The following RYR1 variants were observed in gnomAD, a reference collection of about 807,000 sequenced individuals.
The protein encoded by RYR1 is central core disease of muscle.
In RYR1, 342 loss-of-function variants were observed where a neutral mutation model predicts 583.5. That is an observed-to-expected ratio of 0.59 (90% CI 0.54 to 0.64). The LOEUF is 0.64. Among genes scored for constraint, RYR1 ranks in the 30% least tolerant of loss-of-function variants. RYR1 has a pLI of 0.00. For synonymous variants in RYR1, 2,791 were observed against 2,822.5 expected (o/e 0.99, Z 0.35); for missense variants, 6,032 against 6,917.2 (o/e 0.87, Z 4.54).
At position 38,543,667 on chromosome 19, in the gene RYR1, C is replaced by T. The variant is rs563161084; in HGVS notation, c.11907+7C>T. The T allele has an allele frequency of 1.9e-6, 3 of 1,613,550 alleles. No individual in the cohort carries two copies. The highest frequency in any genetic ancestry group is 2.2e-5 in the South Asian group (2 of 91,090). ...CCTCACTGAGTACATCCAGGTAGGG[C>T]GCTCCCCCTGGGGCGGGAGTGGGAA... On this transcript the variant is annotated splice_region_variant and intron_variant, in intron 86 of 105. Transcript: ENST00000359596. The surrounding 1 kb of genome is among the most constrained non-coding windows in gnomAD (Gnocchi z 4.4).
chr19:38,456,660 G>C (rs1462554949), intron 16 of RYR1, among the ~76,000 whole-genome samples: 1 of 151,992 alleles, frequency 6.6e-6, no homozygotes, highest in Non-Finnish European at 1.5e-5. Context: ...ACACTCTGTA[G>C]TTTGCCATAG....
intron 37 of RYR1, among the ~76,000 whole-genome samples, chr19:38,491,753 T>G (rs1324143293): frequency 6.6e-6 from 1 of 152,164 alleles, no homozygotes; most frequent in Admixed American, 6.6e-5. Flanking sequence ...CTTTTACTTT[T>G]CTGTTCTTCA....
In RYR1 at chr19:38,490,289, C is replaced by T; in HGVS notation, c.6015+13C>T. ...ACCCCAGGAACAGGTCATCTGACCC[C>T]TGACGCTGGCCACTTTTACTGTCTA... On this transcript the variant is annotated intron_variant, in intron 36 of 105. Transcript: ENST00000359596. 6.2e-7 allele frequency: 1 copy of T among 1,611,174 alleles called. No individual in the cohort carries two copies. Among genetic ancestry groups the T allele is most frequent in the East Asian group, 2.2e-5 (1 of 44,658 alleles).
intron 13 of RYR1, 21 bp from the exon 14 acceptor site, chr19:38,455,214 C>G (rs753757530): frequency 1.2e-6 from 2 of 1,613,850 alleles, no homozygotes; most frequent in South Asian, 1.1e-5. Flanking sequence ...ATTGTGATGC[C>G]TCTTATTTTC....
chr19:38,539,258 T>C (rs1282507735), intron 84 of RYR1, among the ~76,000 whole-genome samples: 1 of 144,230 alleles, frequency 6.9e-6, no homozygotes, highest in African/African-American at 2.6e-5. Flanking sequence ...TTTTTTTTTT[T>C]AGACAGAGTC....
intron 31 of RYR1, among the ~76,000 whole-genome samples, chr19:38,479,117 G>A (rs112290776): frequency 6.6e-6 from 1 of 152,222 alleles, no homozygotes; most frequent in East Asian, 1.9e-4. Context: ...TCTTGAGCTG[G>A]GTGACACCAG....
chr19:38,572,133 G>A lies in RYR1; in HGVS notation c.13861G>A (p.Glu4621Lys). 1.9e-6 allele frequency: 3 copies of A among 1,614,192 alleles called. No homozygotes were observed. The highest frequency in any genetic ancestry group is 1.1e-5 in the South Asian group (1 of 91,088). Residue 4621 changes from glutamate to lysine, a missense_variant, in exon 95 of 106, where the codon GAG becomes AAG. Transcript: ENST00000359596. ...GGGCTTGGGGGCCGGAGAGGAGGCA[G>A]AGGGCGATGAGGATGAGAACATGGT... is the stretch of plus-strand genomic sequence containing the variant. ...GWGLGAGEEA[E>K]GDEDENMVYY...
intron 64 of RYR1, 133 bp downstream of exon 64, chr19:38,515,240 TCCC>T: frequency 1.3e-6 from 1 of 762,088 alleles, no homozygotes; most frequent in Admixed American, 2.2e-5. Flanking sequence ...CAGCCGCGGT[TCCC>T]CACGGCGGCC....
chr19:38,515,652 A>G (rs1212643842), intron 64 of RYR1, among the ~76,000 whole-genome samples: 1 of 152,138 alleles, frequency 6.6e-6, no homozygotes, highest in Non-Finnish European at 1.5e-5. Flanking sequence ...TTTTTTAATT[A>G]GCCTGGTGTG....
rs1973131133 is a variant in RYR1 at position 38,561,371 on chromosome 19, G to A, written c.12541G>A (p.Glu4181Lys). ...EYFRPYLGRI[E>K]IMGASRRIER... ...CTTCCGCCCCTACCTGGGCCGCATC[G>A]AGATCATGGGCGCGTCACGCCGCAT... The change falls in exon 90 of 106, where the codon GAG (glutamate) becomes AAG (lysine). Residue 4181 changes from glutamate (E) to lysine (K), a missense_variant. Physicochemically the swap from Glu to Lys is moderately conservative, Grantham distance 56 (BLOSUM62 1). Coordinates refer to ENST00000359596, the MANE Select transcript of RYR1 (RefSeq NM_000540.3). This position sits in a 1 kb window ranked among gnomAD's most constrained non-coding sequence, Gnocchi z 4.8. The A allele has an allele frequency of 6.2e-7, 1 of 1,613,686 alleles. No homozygotes were observed. Among genetic ancestry groups the A allele is most frequent in the East Asian group, 2.2e-5 (1 of 44,886 alleles).
At chr19:38,438,433 G>T (rs1972520425) in intron 1 of RYR1, among the ~76,000 whole-genome samples, 2 of 151,062 alleles carry the variant, frequency 1.3e-5, no homozygotes, top group Admixed American at 1.3e-4. Context: ...TGTCTCAGGG[G>T]CCCCAGGGAG....
At chr19:38,503,442 T>A (rs1970294010) in intron 49 of RYR1, among the ~76,000 whole-genome samples, 1 of 152,220 alleles carries the variant, frequency 6.6e-6, no homozygotes, top group Non-Finnish European at 1.5e-5. Flanking sequence ...ATATTTTGAC[T>A]ATTTTGCATA....
At chr19:38,504,638 G>T in intron 50 of RYR1, 110 bp from the exon 51 acceptor site, 1 of 1,443,404 alleles carries the variant, frequency 6.9e-7, no homozygotes, top group Non-Finnish European at 9.6e-7. Context: ...CATAATTCAG[G>T]TTTGGGGTTC....
chr19:38,494,293 G>T (rs996199486), intron 38 of RYR1, 59 bp from the exon 39 acceptor site: 8 of 1,605,864 alleles, frequency 5.0e-6, no homozygotes, highest in Admixed American at 3.3e-5. Flanking sequence ...CTGGTCCAAG[G>T]CCCCATGTGC....
chr19:38,560,605 T>C (rs971600196), intron 89 of RYR1, among the ~76,000 whole-genome samples: 5 of 150,636 alleles, frequency 3.3e-5, no homozygotes, highest in Non-Finnish European at 7.4e-5. Context: ...GGCGGGCACC[T>C]GTAATCCCAG....
chr19:38,583,770 G>A (rs1974322837), intron 101 of RYR1, among the ~76,000 whole-genome samples: 2 of 151,838 alleles, frequency 1.3e-5, no homozygotes, highest in African/African-American at 4.8e-5. Flanking sequence ...CCCTACCCCA[G>A]GCCTGACATA....
chr19:38,580,517 C>G lies in RYR1; in HGVS notation c.14646+13C>G. The G allele has an allele frequency of 1.2e-6, 2 of 1,613,962 alleles. No homozygotes were observed. The highest frequency in any genetic ancestry group is 1.7e-6 in the Non-Finnish European group (2 of 1,179,964). ...TGACATGATGACGGTGAGCCCCTCC[C>G]CTAGCACTCTGGGACCCTTCCTTCT... On this transcript the variant is annotated intron_variant, in intron 101 of 105. Transcript: ENST00000359596.
chr19:38,466,491 T>G, intron 24 of RYR1, 93 bp downstream of exon 24: 3 of 1,084,766 alleles, frequency 2.8e-6, no homozygotes, highest in Non-Finnish European at 4.0e-6. Context: ...AGCCCCCAAA[T>G]GGGCTATATC....
At chr19:38,458,009 G>C in intron 17 of RYR1, 42 bp from the exon 18 acceptor site, 1 of 1,607,384 alleles carries the variant, frequency 6.2e-7, no homozygotes, top group Non-Finnish European at 8.5e-7. Flanking sequence ...TCTCCTCTCT[G>C]CCTCTCCGTC....
Sources: allele counts gnomAD v4.1 joint callset (sites outside exome capture counted in the v4.1 genomes callset), GRCh38; gene constraint gnomAD v4.1.1; non-coding constraint Gnocchi (gnomAD v3.1); transcripts MANE v1.5; gene names NCBI Gene and HGNC (gene_info 2026-07-23, HGNC 2026-07-21).